Variants in CDA observed in about 807,000 individuals in gnomAD.
CDA encodes cytidine aminohydrolase.
CDA carries 7 observed loss-of-function variants against 15.0 expected under a neutral mutation model. The ratio of observed to expected loss-of-function variants is 0.47; its 90% CI spans 0.26 to 0.87. The LOEUF is 0.87. Among genes scored for constraint, CDA ranks in the 40% least tolerant of loss-of-function variants. The probability of loss-of-function intolerance (pLI) is 0.15; values close to 1 mark genes in which losing one functional copy is unlikely to be tolerated. For synonymous variants in CDA, 58 were observed against 73.0 expected, an observed-to-expected ratio of 0.79 and a Z score of 1.05; for missense variants, 159 against 182.7, an observed-to-expected ratio of 0.87 and a Z score of 0.75.
At position 20,605,010 on chromosome 1, in the gene CDA, C is replaced by T; in HGVS notation, c.237C>T (p.Tyr79=). The change falls in exon 2 of 4, where the codon TAC becomes TAT. Residue 79 remains tyrosine (Y), a synonymous_variant. Coordinates refer to ENST00000375071, the MANE Select transcript of CDA (RefSeq NM_001785.3). ...TAIQKAVSEG[Y]KDFRAIAIAS... is the part of the protein sequence containing the mutation. Reference sequence around the variant, plus strand: ...TCCAGAAGGCCGTCTCAGAAGGGTACAAGGATTTCAGGGCAATTGCTATCG... The same window carrying T: ...TCCAGAAGGCCGTCTCAGAAGGGTATAAGGATTTCAGGGCAATTGCTATCG... 6.2e-7 allele frequency: 1 copy of T among 1,613,542 alleles called. No homozygotes were observed. Among genetic ancestry groups the T allele is most frequent in the Non-Finnish European group, 8.5e-7 (1 of 1,179,534 alleles).
Position 20,618,659 on chromosome 1 carries a change from C to CA in CDA, c.*92dup, listed in dbSNP as rs2052843055. 3.7e-6 allele frequency: 3 copies of CA among 820,428 alleles called. No individual in the cohort carries two copies. The highest frequency in any genetic ancestry group is 6.5e-6 in the Non-Finnish European group (3 of 462,528). The allele number at this position is 820,428 out of a possible 1,614,324, so 50.8% of individuals were successfully genotyped here. A position where few individuals can be genotyped will look rare whatever the true frequency, so the allele number is the denominator to read the frequency against. ...CTGGGGACACCTGCCCAGTGGGCCCCAGCCCTACAGGGACTGGGCAAAGAT... is the reference window on the plus strand; with the variant it reads ...CTGGGGACACCTGCCCAGTGGGCCCCAAGCCCTACAGGGACTGGGCAAAGAT... On this transcript the variant is annotated 3_prime_UTR_variant, in exon 4 of 4. Coordinates refer to ENST00000375071, the MANE Select transcript of CDA (RefSeq NM_001785.3).
intron 1 of CDA, among the ~76,000 whole-genome samples, chr1:20,599,198 A>C (rs1480129884): frequency 6.6e-6 from 1 of 152,202 alleles, no homozygotes; most frequent in African/African-American, 2.4e-5. Flanking sequence ...GCAGGAGCAT[A>C]CTGGTGCCCT....
chr1:20,612,160 A>G (rs818207), intron 2 of CDA, among the ~76,000 whole-genome samples: 136,423 of 152,206 alleles, frequency 0.9, 61,538 homozygotes, highest in Middle Eastern at 0.96. Context: ...ACCACGCCCA[A>G]CCTGCACATA....
At chr1:20,599,270 AGCACCAGATCACATATGACCTTG>A (rs970358793) in intron 1 of CDA, among the ~76,000 whole-genome samples, 3 of 152,198 alleles carry the variant, frequency 2.0e-5, no homozygotes, top group African/African-American at 4.8e-5. Context: ...GCCAAGAGGT[AGCACCAGATCACATATGACCTTG>A]GCACCAGATC....
intron 1 of CDA, among the ~76,000 whole-genome samples, chr1:20,596,388 T>C (rs1241968171): frequency 2.0e-5 from 3 of 151,792 alleles, no homozygotes; most frequent in East Asian, 3.9e-4. Context: ...AATTTGAAAT[T>C]TTTGAGCTCC....
At chr1:20,618,145 G>A (rs2052834568) in intron 3 of CDA, among the ~76,000 whole-genome samples, 1 of 151,424 alleles carries the variant, frequency 6.6e-6, no homozygotes, top group African/African-American at 2.4e-5. Context: ...GCGGGTGTTA[G>A]TTGTCATTTG....
chr1:20,616,366 GT>G (rs1557552435), intron 3 of CDA, among the ~76,000 whole-genome samples: 1 of 152,136 alleles, frequency 6.6e-6, no homozygotes, highest in Non-Finnish European at 1.5e-5. Flanking sequence ...TTTTTGTGCC[GT>G]GGGGTTTCAA....
At chr1:20,618,386 G>C in intron 3 of CDA, 66 bp from the exon 4 acceptor site, 2 of 860,984 alleles carry the variant, frequency 2.3e-6, no homozygotes, top group Admixed American at 3.9e-5. Context: ...GTCAGACTCA[G>C]ACCCAGTCCG....
chr1:20,598,477 C>T (rs926430057), intron 1 of CDA, among the ~76,000 whole-genome samples: 5 of 152,214 alleles, frequency 3.3e-5, no homozygotes, highest in African/African-American at 4.8e-5. Flanking sequence ...TGGGATATTA[C>T]GTTACAGCAG....
chr1:20,605,654 C>T (rs1570382226), intron 2 of CDA, among the ~76,000 whole-genome samples: 2 of 107,870 alleles, frequency 1.9e-5, no homozygotes, highest in South Asian at 3.7e-4. Flanking sequence ...AGCAAGACTC[C>T]GTCTCAAAAA....
rs796123827 is a variant in CDA, at chr1:20,599,596, G to A, written c.155-5332G>A. 3.5e-4 allele frequency among the ~76,000 whole-genome samples: 19 copies of A among 54,328 alleles called. 1 individual carries two copies. Among genetic ancestry groups the A allele is most frequent in the African/African-American group, 1.0e-3 (15 of 14,426 alleles). 35.6% of individuals were successfully genotyped at this position (54,328 alleles called of 152,430 possible). A position where few individuals can be genotyped will look rare whatever the true frequency, so the allele number is the denominator to read the frequency against. ...TACGCCACTGCACTCCAGCCTGGGC[G>A]ACAGAGCAAGACTCCGTCTCCAAAA... On this transcript the variant is annotated intron_variant, in intron 1 of 3. Coordinates refer to ENST00000375071, the MANE Select transcript of CDA (RefSeq NM_001785.3).
intron 1 of CDA, among the ~76,000 whole-genome samples, chr1:20,591,233 C>T (rs1330777828): frequency 6.6e-6 from 1 of 151,900 alleles, no homozygotes. Context: ...CCCAGCTACT[C>T]GGGAGGCTGA....
intron 2 of CDA, among the ~76,000 whole-genome samples, chr1:20,607,214 G>A (rs1395307940): frequency 6.6e-6 from 1 of 152,230 alleles, no homozygotes; most frequent in Non-Finnish European, 1.5e-5. Context: ...CTGCACAGAA[G>A]CAAGCCCACG....
chr1:20,604,748 A>G (rs913413314), intron 1 of CDA, among the ~76,000 whole-genome samples, 180 bp from the exon 2 acceptor site: 8 of 152,172 alleles, frequency 5.3e-5, no homozygotes, highest in African/African-American at 1.9e-4. Context: ...GGCCACTACC[A>G]TGGGCCAAAG....
chr1:20,618,885 C>CCG lies in CDA; in HGVS notation c.*317_*318insCG, dbSNP rs2052847617. The CCG allele has an allele frequency of 5.4e-6, 2 of 368,214 alleles. No homozygotes were observed. The highest frequency in any genetic ancestry group is 5.3e-6 in the Non-Finnish European group (1 of 189,426). The allele number at this position is 368,214 out of a possible 1,614,324, so 22.8% of individuals were successfully genotyped here. A position where few individuals can be genotyped will look rare whatever the true frequency, so the allele number is the denominator to read the frequency against. On this transcript the variant is annotated 3_prime_UTR_variant, in exon 4 of 4. Transcript: ENST00000375071. ...TCCGAGCAACTTTTCTAATTATAAA[C>CCG]ATCACAGAACATCCTGGATCAAAGC... is the stretch of plus-strand genomic sequence containing the variant.
rs199654600 is a variant in CDA, at chr1:20,613,908, C to T, written c.324+9C>T. 1.2e-5 allele frequency: 20 copies of T among 1,612,714 alleles called. No individual in the cohort carries two copies. The highest frequency in any genetic ancestry group is 5.3e-5 in the African/African-American group (4 of 74,928). On this transcript the variant is annotated intron_variant, in intron 3 of 3. Transcript: ENST00000375071. ...GGCAAGTCATGAGAGAGGTAAGCAG[C>T]TTCTCTTGCTGTCTGGAATGCAAAT...
intron 1 of CDA, among the ~76,000 whole-genome samples, chr1:20,595,378 GTCTCCCTT>G (rs2052583658): frequency 6.6e-6 from 1 of 151,908 alleles, no homozygotes; most frequent in Non-Finnish European, 1.5e-5. Flanking sequence ...TCTGTCCCTG[GTCTCCCTT>G]TCTCTGCCTG....
intron 3 of CDA, among the ~76,000 whole-genome samples, chr1:20,617,207 C>A (rs2052820466): frequency 1.3e-5 from 2 of 152,168 alleles, no homozygotes; most frequent in South Asian, 4.1e-4. Context: ...TTCCCAAGGT[C>A]ACACAGCAAA....
chr1:20,618,523 G>C lies in CDA; in HGVS notation c.396G>C (p.Leu132=). 5 of 1,613,654 alleles carry C rather than the reference G, an allele frequency of 3.1e-6. No homozygotes were observed. Among genetic ancestry groups the C allele is most frequent in the Non-Finnish European group, 4.2e-6 (5 of 1,179,700 alleles). The change falls in exon 4 of 4, where the codon CTG becomes CTC. Residue 132 remains leucine (L), a synonymous_variant. Coordinates refer to ENST00000375071, the MANE Select transcript of CDA (RefSeq NM_001785.3). ...GTYIVMTVQE[L]LPSSFGPEDL... ...ATATTGTCATGACGGTCCAGGAGCT[G>C]CTGCCCTCCTCCTTTGGGCCTGAGG... is the stretch of plus-strand genomic sequence containing the variant.
Sources: allele counts gnomAD v4.1 joint callset (sites outside exome capture counted in the v4.1 genomes callset), GRCh38; gene constraint gnomAD v4.1.1; transcripts MANE v1.5; gene names NCBI Gene and HGNC (gene_info 2026-07-23, HGNC 2026-07-21).